SLC35D2: variants seen among roughly 807,000 people sequenced by gnomAD.
SLC35D2 encodes solute carrier family 35 member D2.
In SLC35D2, 43 loss-of-function variants were observed where a neutral mutation model predicts 41.8. That is an observed-to-expected ratio of 1.03 (90% CI 0.81 to 1.33). SLC35D2 has a LOEUF of 1.33. SLC35D2 is among the 40% of genes most tolerant of loss of function. The pLI is 0.00. For missense variants in SLC35D2, 380 were observed against 408.4 expected, an observed-to-expected ratio of 0.93 and a Z score of 0.60; for synonymous variants, 150 against 163.9, an observed-to-expected ratio of 0.92 and a Z score of 0.65.
intron 6 of SLC35D2, 109 bp from the exon 7 acceptor site, chr9:96,345,510 C>T (rs1829535782): frequency 1.5e-6 from 1 of 676,026 alleles, no homozygotes; most frequent in Admixed American, 3.0e-5. Flanking sequence ...CTGTGGCACA[C>T]TTTCCCCGCT....
chr9:96,340,189 G>C (rs1314974895), intron 8 of SLC35D2, among the ~76,000 whole-genome samples: 1 of 152,182 alleles, frequency 6.6e-6, no homozygotes, highest in African/African-American at 2.4e-5. Context: ...AGTGAATACA[G>C]AGCAATGTTA....
At chr9:96,360,056 G>A in intron 4 of SLC35D2, 98 bp downstream of exon 4, 1 of 777,646 alleles carries the variant, frequency 1.3e-6, no homozygotes, top group Admixed American at 2.4e-5. Flanking sequence ...TCTATATATG[G>A]TACAAGCACT....
intron 11 of SLC35D2, 118 bp from the exon 12 acceptor site, chr9:96,321,459 CTG>C (rs1828222453): frequency 1.5e-6 from 1 of 675,202 alleles, no homozygotes; most frequent in Non-Finnish European, 2.6e-6. Context: ...ATTCCAATAT[CTG>C]TGTTTCTCCT....
intron 9 of SLC35D2, among the ~76,000 whole-genome samples, chr9:96,333,917 C>T (rs1471768098): frequency 6.6e-6 from 1 of 152,038 alleles, no homozygotes; most frequent in Non-Finnish European, 1.5e-5. Flanking sequence ...AGTTTGTGTA[C>T]TAAGGGTTGA....
chr9:96,377,669 A>G (rs182691354), intron 1 of SLC35D2, among the ~76,000 whole-genome samples: 17 of 152,358 alleles, frequency 1.1e-4, no homozygotes, highest in African/African-American at 3.8e-4. Flanking sequence ...GGATCCTGGC[A>G]GCAGTCATGG....
chr9:96,380,771 C>A (rs1248450220), intron 1 of SLC35D2, among the ~76,000 whole-genome samples: 1 of 152,000 alleles, frequency 6.6e-6, no homozygotes, highest in Non-Finnish European at 1.5e-5. Flanking sequence ...CCGCGCCCGG[C>A]CTTTTTTTTT....
chr9:96,324,549 C>CTT (rs57775451), intron 9 of SLC35D2, among the ~76,000 whole-genome samples: 22,525 of 117,582 alleles, frequency 0.19, 2,956 homozygotes, highest in African/African-American at 0.27. Context: ...GCCTGCTGCA[C>CTT]TTTTTTTTTT....
intron 3 of SLC35D2, among the ~76,000 whole-genome samples, chr9:96,361,314 T>C (rs375476625): frequency 6.6e-6 from 1 of 152,122 alleles, no homozygotes; most frequent in South Asian, 2.1e-4. Context: ...TATTTGGAGA[T>C]GAGGTCTTAA....
At chr9:96,376,403 G>C (rs772259404) in intron 1 of SLC35D2, among the ~76,000 whole-genome samples, 144 of 150,850 alleles carry the variant, frequency 9.5e-4, no homozygotes, top group Non-Finnish European at 1.7e-3. Context: ...TCAGGAGTTC[G>C]AGACCAGCCT....
intron 1 of SLC35D2, among the ~76,000 whole-genome samples, chr9:96,372,228 G>A (rs1177846064): frequency 1.3e-5 from 2 of 152,182 alleles, no homozygotes; most frequent in Non-Finnish European, 2.9e-5. Flanking sequence ...GTTAGAAAAT[G>A]AGAAAGATAA....
chr9:96,368,755 T>A (rs887793256), intron 1 of SLC35D2, among the ~76,000 whole-genome samples: 2 of 149,244 alleles, frequency 1.3e-5, no homozygotes, highest in African/African-American at 4.9e-5. Flanking sequence ...TCTCTCTACA[T>A]ATATATATAT....
In SLC35D2 at chr9:96,368,698, G is replaced by GTGTATATTATA. The variant is rs1344133971; in HGVS notation, c.159-404_159-394dup. Among the ~76,000 whole-genome samples the GTGTATATTATA allele has an allele frequency of 1.1e-4, 17 of 148,650 alleles. No homozygotes were observed. The South Asian group carries it at 1.9e-3, about 16-fold the overall frequency. ...TATATACACACACACATATATATAT[G>GTGTATATTATA]TGTATATTATATATATATTATATAT... On this transcript the variant is annotated intron_variant, in intron 1 of 11. Transcript: ENST00000253270.
At chr9:96,364,938 T>C (rs1830417343) in intron 2 of SLC35D2, among the ~76,000 whole-genome samples, 1 of 147,734 alleles carries the variant, frequency 6.8e-6, no homozygotes. Context: ...GAATCCCAGC[T>C]ACTCAGGAGG....
intron 4 of SLC35D2, among the ~76,000 whole-genome samples, chr9:96,356,584 G>T (rs35436016): frequency 6.7e-6 from 1 of 149,658 alleles, no homozygotes; most frequent in Non-Finnish European, 1.5e-5. Context: ...TAGATAGATA[G>T]CTGGCTGGGC....
At chr9:96,340,473 C>G (rs142013451) in intron 8 of SLC35D2, among the ~76,000 whole-genome samples, 1 of 151,122 alleles carries the variant, frequency 6.6e-6, no homozygotes, top group African/African-American at 2.4e-5. Context: ...AAAAATTAGC[C>G]GGGCATCATG....
chr9:96,319,860 C>T (rs778545224), downstream of SLC35D2, among the ~76,000 whole-genome samples: 3 of 152,190 alleles, frequency 2.0e-5, no homozygotes, highest in East Asian at 1.9e-4. Flanking sequence ...CTCAGCTTCT[C>T]GAAACTCAGA....
In SLC35D2 at chr9:96,353,323, T is replaced by C. The variant is rs993156447; in HGVS notation, c.348-1214A>G. 2.0e-5 allele frequency among the ~76,000 whole-genome samples: 3 copies of C among 150,146 alleles called. No homozygotes were observed. In the Admixed American group the frequency reaches 2.0e-4, roughly 10 times the overall value. ...CAACTGTAACAAGATACATTCTGTA[T>C]ACAGAAAAGGGCTGCAAAGGATTAT... On this transcript the variant is annotated intron_variant, in intron 4 of 11. Coordinates refer to ENST00000253270, the MANE Select transcript of SLC35D2 (RefSeq NM_007001.3).
intron 9 of SLC35D2, among the ~76,000 whole-genome samples, chr9:96,330,132 G>A (rs927404630): frequency 1.3e-5 from 2 of 152,246 alleles, no homozygotes. Context: ...CAGGAGTTCT[G>A]ATGTCCAAGG....
At chr9:96,320,379 G>A (rs1828165093), downstream of SLC35D2, among the ~76,000 whole-genome samples, 1 of 152,162 alleles carries the variant, frequency 6.6e-6, no homozygotes, top group Non-Finnish European at 1.5e-5. Flanking sequence ...AGCAGGGCGT[G>A]GTGGCAGATG....
Sources: allele counts gnomAD v4.1 joint callset (sites outside exome capture counted in the v4.1 genomes callset), GRCh38; gene constraint gnomAD v4.1.1; transcripts MANE v1.5; gene names NCBI Gene and HGNC (gene_info 2026-07-23, HGNC 2026-07-21).